Variants in FRMD5 observed in about 807,000 individuals in gnomAD.
FRMD5 encodes FERM domain-containing protein 5.
In FRMD5, 20 loss-of-function variants were observed where a neutral mutation model predicts 69.0. The ratio of observed to expected loss-of-function variants is 0.29; its 90% confidence interval spans 0.20 to 0.42. The LOEUF is 0.42. FRMD5 is among the 10% of genes least tolerant of loss of function. The pLI, the probability that FRMD5 is intolerant of heterozygous loss-of-function variation, is 1.00. For missense variants in FRMD5, 595 were observed against 708.6 expected, an observed-to-expected ratio of 0.84 and a Z score of 1.82; for synonymous variants, 271 against 260.1, an observed-to-expected ratio of 1.04 and a Z score of -0.40.
At chr15:44,007,731 C>T (rs1362034489) in intron 1 of FRMD5, among the ~76,000 whole-genome samples, 1 of 143,474 alleles carries the variant, frequency 7.0e-6, no homozygotes, top group Non-Finnish European at 1.5e-5. Flanking sequence ...CCGCAACCTC[C>T]ATCTCCCGGG....
intron 1 of FRMD5, among the ~76,000 whole-genome samples, chr15:44,098,909 A>G (rs993028339): frequency 6.6e-6 from 1 of 152,234 alleles, no homozygotes; most frequent in African/African-American, 2.4e-5. Flanking sequence ...TATAAAGATA[A>G]TTGATTTGCA....
At chr15:43,975,834 A>G (rs2090453881) in intron 1 of FRMD5, among the ~76,000 whole-genome samples, 1 of 152,194 alleles carries the variant, frequency 6.6e-6, no homozygotes, top group South Asian at 2.1e-4. Context: ...CAAAAGAAGA[A>G]CAAATTTGGA....
chr15:44,009,865 C>T (rs1232354821), intron 1 of FRMD5, among the ~76,000 whole-genome samples: 1 of 152,016 alleles, frequency 6.6e-6, no homozygotes, highest in Non-Finnish European at 1.5e-5. Flanking sequence ...TTTGGCTGTC[C>T]AACTCAGCTT....
intron 1 of FRMD5, among the ~76,000 whole-genome samples, chr15:44,035,296 A>T (rs536819320): frequency 1.3e-5 from 2 of 152,198 alleles, no homozygotes; most frequent in Non-Finnish European, 2.9e-5. Context: ...GGAATATACA[A>T]TTGCTAGCAA....
At chr15:44,061,787 G>T (rs1044054067) in intron 1 of FRMD5, among the ~76,000 whole-genome samples, 1 of 152,156 alleles carries the variant, frequency 6.6e-6, no homozygotes, top group Non-Finnish European at 1.5e-5. Flanking sequence ...ATGGCGAGAT[G>T]CATTAACATT....
At chr15:44,023,778 T>C (rs570233271) in intron 1 of FRMD5, among the ~76,000 whole-genome samples, 7 of 152,334 alleles carry the variant, frequency 4.6e-5, no homozygotes, top group African/African-American at 1.4e-4. Context: ...AAATGGATCA[T>C]TTTAAAGCTC....
intron 1 of FRMD5, among the ~76,000 whole-genome samples, chr15:44,037,816 T>C (rs1278712038): frequency 1.3e-5 from 2 of 152,164 alleles, no homozygotes; most frequent in Non-Finnish European, 2.9e-5. Flanking sequence ...TTTGGTTATA[T>C]ACCTATTAAT....
intron 1 of FRMD5, among the ~76,000 whole-genome samples, chr15:43,932,116 T>C (rs183593555): frequency 6.6e-6 from 1 of 152,322 alleles, no homozygotes; most frequent in Non-Finnish European, 1.5e-5. Context: ...AAAATATACA[T>C]AAAAACCCTG....
At chr15:44,182,075 A>G (rs1595564642) in intron 1 of FRMD5, among the ~76,000 whole-genome samples, 2 of 144,960 alleles carry the variant, frequency 1.4e-5, no homozygotes, top group Admixed American at 1.4e-4. Context: ...TAGTGGTGCG[A>G]TCTCGGCTCA....
At chr15:44,185,653 C>T (rs974623027) in intron 1 of FRMD5, among the ~76,000 whole-genome samples, 1 of 152,040 alleles carries the variant, frequency 6.6e-6, no homozygotes. Flanking sequence ...ATTAGCTGAG[C>T]GTGGTGGTGC....
At position 43,995,564 on chromosome 15, in the gene FRMD5, G is replaced by T. The variant is rs535766824; in HGVS notation, c.103-71255C>A. 3.3e-5 allele frequency among the ~76,000 whole-genome samples: 5 copies of T among 152,216 alleles called. No homozygotes were observed. The South Asian group carries it at 1.0e-3, about 32-fold the overall frequency. On this transcript the variant is annotated intron_variant, in intron 1 of 13. Coordinates refer to ENST00000417257, the MANE Select transcript of FRMD5 (RefSeq NM_032892.5). ...GTCTACAGGAGTGGGTCTGGACCAT[G>T]GGTCTGCTGAAGCAGGTTTGGATTC...
intron 1 of FRMD5, among the ~76,000 whole-genome samples, chr15:44,076,313 C>T (rs1331357283): frequency 6.6e-6 from 1 of 151,510 alleles, no homozygotes; most frequent in South Asian, 2.1e-4. Flanking sequence ...GCTATAAAGA[C>T]ACATGCACAC....
At position 43,900,216 on chromosome 15, in the gene FRMD5, G is replaced by A. The variant is rs569837536; in HGVS notation, c.639+1959C>T. On this transcript the variant is annotated intron_variant, in intron 7 of 13. Coordinates refer to ENST00000417257, the MANE Select transcript of FRMD5 (RefSeq NM_032892.5). Reference sequence around the variant, plus strand: ...AAAGGCCCCAGTAAACAGGGGATGGGAACCGGAGCCCAGGGCCAGCTTATC... The same window carrying A: ...AAAGGCCCCAGTAAACAGGGGATGGAAACCGGAGCCCAGGGCCAGCTTATC... Among the ~76,000 whole-genome samples the A allele has an allele frequency of 1.2e-3, 189 of 152,304 alleles. 2 individuals carry two copies. Among genetic ancestry groups the A allele is most frequent in the African/African-American group, 4.3e-3 (180 of 41,568 alleles).
At chr15:44,194,928 C>G (rs1410659837) in intron 1 of FRMD5, 25 bp downstream of exon 1, 1 of 1,495,620 alleles carries the variant, frequency 6.7e-7, no homozygotes, top group Admixed American at 2.1e-5. Flanking sequence ...GTCCCGCGGG[C>G]GGGGCGGGGC....
At chr15:43,910,572 CAAAA>C (rs1167867396) in intron 4 of FRMD5, among the ~76,000 whole-genome samples, 5 of 40,366 alleles carry the variant, frequency 1.2e-4, no homozygotes, top group African/African-American at 3.6e-4. Context: ...GACCTTGTCT[CAAAA>C]AAAAAAAAAA....
intron 1 of FRMD5, among the ~76,000 whole-genome samples, chr15:44,071,241 T>C (rs899784457): frequency 1.3e-5 from 2 of 152,190 alleles, no homozygotes; most frequent in Non-Finnish European, 2.9e-5. Flanking sequence ...ACACCCTAGC[T>C]GGTTAGCATC....
At chr15:43,942,067 A>G (rs1308904544) in intron 1 of FRMD5, among the ~76,000 whole-genome samples, 1 of 152,248 alleles carries the variant, frequency 6.6e-6, no homozygotes, top group Non-Finnish European at 1.5e-5. Context: ...TATTGTTAGA[A>G]AAAGCCAGGC....
chr15:44,060,476 C>T (rs1271645018), intron 1 of FRMD5, among the ~76,000 whole-genome samples: 1 of 152,156 alleles, frequency 6.6e-6, no homozygotes, highest in Non-Finnish European at 1.5e-5. Flanking sequence ...CTAAACATGA[C>T]CTTGAATCAA....
intron 1 of FRMD5, among the ~76,000 whole-genome samples, chr15:44,190,881 T>C: frequency 6.6e-6 from 1 of 152,356 alleles, no homozygotes; most frequent in Non-Finnish European, 1.5e-5. Flanking sequence ...GTTTATGATT[T>C]ATAGCTTTCT....
Sources: allele counts gnomAD v4.1 joint callset (sites outside exome capture counted in the v4.1 genomes callset), GRCh38; gene constraint gnomAD v4.1.1; transcripts MANE v1.5; gene names NCBI Gene and HGNC (gene_info 2026-07-23, HGNC 2026-07-21).